Variants in ALK observed in about 807,000 individuals in gnomAD.
ALK encodes the protein ALK receptor tyrosine kinase.
Under a neutral mutation model 163.1 loss-of-function variants are expected in ALK, and 74 were observed. That is an observed-to-expected ratio of 0.45 (90% CI 0.38 to 0.55). The LOEUF (loss-of-function observed/expected upper bound fraction) is 0.55, where lower values mean the gene tolerates loss of function less well. Among genes scored for constraint, ALK ranks in the 20% least tolerant of loss-of-function variants. The probability of loss-of-function intolerance (pLI) is 0.00; values close to 1 mark genes in which losing one functional copy is unlikely to be tolerated. For missense variants in ALK, 2,063 were observed against 2,105.3 expected (o/e 0.98, Z 0.39); for synonymous variants, 960 against 843.2 (o/e 1.14, Z -2.40).
At chr2:29,802,938 A>G (rs537159537) in intron 1 of ALK, among the ~76,000 whole-genome samples, 3 of 152,214 alleles carry the variant, frequency 2.0e-5, no homozygotes, top group East Asian at 1.9e-4. Flanking sequence ...TGGCTTAGGT[A>G]CAGTTCTCTG....
At chr2:29,219,911 T>C (rs751073725) in intron 23 of ALK, among the ~76,000 whole-genome samples, 17 of 152,218 alleles carry the variant, frequency 1.1e-4, no homozygotes, top group Admixed American at 4.6e-4. Context: ...ACGGTTGGAA[T>C]GTCCAGGTAT....
intron 3 of ALK, among the ~76,000 whole-genome samples, chr2:29,594,141 C>G (rs767847629): frequency 1.3e-5 from 2 of 152,004 alleles, no homozygotes; most frequent in Non-Finnish European, 2.9e-5. Flanking sequence ...AAAATGTCAA[C>G]AGTAGTAATG....
chr2:29,902,976 G>A (rs1055644386), intron 1 of ALK, among the ~76,000 whole-genome samples: 1 of 152,160 alleles, frequency 6.6e-6, no homozygotes, highest in African/African-American at 2.4e-5. Flanking sequence ...TGGTGGGGTT[G>A]GTATCATCCC....
At chr2:29,889,200 C>T (rs1347243929) in intron 1 of ALK, among the ~76,000 whole-genome samples, 2 of 151,704 alleles carry the variant, frequency 1.3e-5, no homozygotes, top group Non-Finnish European at 2.9e-5. Context: ...TAAATGTTTC[C>T]AGGGATATAC....
At chr2:29,624,395 T>A (rs922019346) in intron 3 of ALK, among the ~76,000 whole-genome samples, 1 of 152,208 alleles carries the variant, frequency 6.6e-6, no homozygotes, top group East Asian at 1.9e-4. Context: ...TTCATGTCTG[T>A]ATATGAGTGA....
At chr2:29,726,775 C>G (rs1005810983) in intron 1 of ALK, among the ~76,000 whole-genome samples, 1 of 152,218 alleles carries the variant, frequency 6.6e-6, no homozygotes, top group African/African-American at 2.4e-5. Flanking sequence ...TGATGCCTTT[C>G]AGAGGCATCT....
chr2:29,740,942 C>A (rs1680041286), intron 1 of ALK, among the ~76,000 whole-genome samples: 2 of 152,108 alleles, frequency 1.3e-5, no homozygotes, highest in African/African-American at 4.8e-5. Context: ...GCAGAGGTTG[C>A]AGTGAGCAGT....
chr2:29,413,693 G>A (rs561610733), intron 4 of ALK, among the ~76,000 whole-genome samples: 13 of 152,066 alleles, frequency 8.5e-5, no homozygotes, highest in Middle Eastern at 3.4e-3. Flanking sequence ...CACCATGCCC[G>A]GCTAATTTTT....
At chr2:29,252,991 A>G (rs1404452978) in intron 11 of ALK, among the ~76,000 whole-genome samples, 1 of 151,772 alleles carries the variant, frequency 6.6e-6, no homozygotes, top group Non-Finnish European at 1.5e-5. Flanking sequence ...AGCCCAGCTA[A>G]TTTTTAAAAC....
intron 1 of ALK, among the ~76,000 whole-genome samples, chr2:29,894,501 A>G (rs1308526924): frequency 6.6e-6 from 1 of 152,062 alleles, no homozygotes; most frequent in East Asian, 1.9e-4. Context: ...CATTCAACAA[A>G]GTGTTAGCTC....
At chr2:29,232,254 C>T (rs761466413) in intron 15 of ALK, 50 bp downstream of exon 15, 1 of 1,612,282 alleles carries the variant, frequency 6.2e-7, no homozygotes, top group African/African-American at 1.3e-5. Context: ...CGGGGCCCAG[C>T]TGAAGGCCTG....
intron 3 of ALK, among the ~76,000 whole-genome samples, chr2:29,567,630 C>T (rs910453940): frequency 6.6e-6 from 1 of 152,094 alleles, no homozygotes; most frequent in Non-Finnish European, 1.5e-5. Context: ...CATGCTTGCT[C>T]CTTTTGGGGT....
At chr2:29,819,516 T>C (rs948940981) in intron 1 of ALK, among the ~76,000 whole-genome samples, 5 of 152,280 alleles carry the variant, frequency 3.3e-5, no homozygotes, top group Admixed American at 6.5e-5. Flanking sequence ...GAGGGATGAC[T>C]GGGCGATGCC....
At chr2:29,841,019 C>A (rs948177824) in intron 1 of ALK, among the ~76,000 whole-genome samples, 2 of 152,174 alleles carry the variant, frequency 1.3e-5, no homozygotes, top group Admixed American at 1.3e-4. Flanking sequence ...AAGTATTACT[C>A]TAAGAATCAT....
At chr2:29,507,946 T>G (rs976577541) in intron 4 of ALK, among the ~76,000 whole-genome samples, 3 of 151,950 alleles carry the variant, frequency 2.0e-5, no homozygotes, top group African/African-American at 7.3e-5. Context: ...GGTCAAGGAG[T>G]GAATTCACAC....
intron 4 of ALK, among the ~76,000 whole-genome samples, chr2:29,454,269 C>T (rs929869814): frequency 2.6e-5 from 4 of 152,082 alleles, no homozygotes; most frequent in Middle Eastern, 3.2e-3. Context: ...CTGTGGATAC[C>T]AAAATTCAAG....
At chr2:29,456,261 T>C (rs749051381) in intron 4 of ALK, among the ~76,000 whole-genome samples, 10 of 152,126 alleles carry the variant, frequency 6.6e-5, no homozygotes, top group Non-Finnish European at 1.3e-4. Flanking sequence ...AAATAGATAT[T>C]TGTACACCCA....
At chr2:29,906,343 T>C (rs919735429) in intron 1 of ALK, among the ~76,000 whole-genome samples, 1 of 152,242 alleles carries the variant, frequency 6.6e-6, no homozygotes, top group Non-Finnish European at 1.5e-5. Context: ...TTTTGTTCAT[T>C]GCTGTCTGTG....
At chr2:29,302,807 C>A (rs1558661035) in intron 8 of ALK, among the ~76,000 whole-genome samples, 1 of 152,074 alleles carries the variant, frequency 6.6e-6, no homozygotes, top group Non-Finnish European at 1.5e-5. Flanking sequence ...ATAAGCAGTC[C>A]ACTGGCTAGC....
Sources: allele counts gnomAD v4.1 joint callset (sites outside exome capture counted in the v4.1 genomes callset), GRCh38; gene constraint gnomAD v4.1.1; transcripts MANE v1.5; gene names NCBI Gene and HGNC (gene_info 2026-07-23, HGNC 2026-07-21).